HMG20B: variants seen among roughly 807,000 people sequenced by gnomAD.
HMG20B encodes the protein high mobility group 20B.
Under a neutral mutation model 41.6 loss-of-function variants are expected in HMG20B, and 24 were observed. The ratio of observed to expected loss-of-function variants is 0.58; its 90% CI spans 0.42 to 0.81. The LOEUF (loss-of-function observed/expected upper bound fraction) is 0.81, where lower values mean the gene tolerates loss of function less well. Among genes scored for constraint, HMG20B ranks in the 30% least tolerant of loss-of-function variants. The pLI is 0.00. For missense variants in HMG20B, 461 were observed against 444.0 expected (o/e 1.04, Z -0.34); for synonymous variants, 251 against 186.6 (o/e 1.34, Z -2.81).
At chr19:3,573,509 A>G in intron 2 of HMG20B, 162 bp downstream of exon 2, 1 of 903,444 alleles carries the variant, frequency 1.1e-6, no homozygotes, top group Non-Finnish European at 1.6e-6. Context: ...CTCGGCCTCC[A>G]GTCCCTCCCA....
At position 3,578,791 on chromosome 19, in the gene HMG20B, G is replaced by A. The variant is rs780888223; in HGVS notation, c.*270G>A. 15 of 728,478 alleles carry A rather than the reference G, an allele frequency of 2.1e-5. No individual in the cohort carries two copies. Among genetic ancestry groups the A allele is most frequent in the Non-Finnish European group, 2.8e-5 (11 of 398,956 alleles). 45.1% of individuals were successfully genotyped at this position (728,478 alleles called of 1,614,324 possible). On this transcript the variant is annotated 3_prime_UTR_variant, in exon 10 of 10. Coordinates refer to ENST00000333651, the MANE Select transcript of HMG20B (RefSeq NM_006339.3). ...GCCCCTCCTCGGAGGACAGCCACGC[G>A]CTACACTGGCTCTCCGGGCCACCCC...
chr19:3,577,223 C>G, intron 8 of HMG20B, 116 bp downstream of exon 8: 1 of 753,248 alleles, frequency 1.3e-6, no homozygotes, highest in South Asian at 1.9e-5. Context: ...CGCCCCGTCC[C>G]CTCTTCCCCA....
Position 3,578,956 on chromosome 19 carries a change from C to T in HMG20B, c.*435C>T. The T allele has an allele frequency of 2.6e-6, 1 of 381,866 alleles. No homozygotes were observed. The highest frequency in any genetic ancestry group is 5.2e-6 in the Non-Finnish European group (1 of 193,338). The allele number at this position is 381,866 out of a possible 1,614,324, so 23.7% of individuals were successfully genotyped here. On this transcript the variant is annotated 3_prime_UTR_variant, in exon 10 of 10. Coordinates refer to ENST00000333651, the MANE Select transcript of HMG20B (RefSeq NM_006339.3). ...TGGGGTGTCCCCCGCATGCCTGTAC[C>T]CCAGATGGGTGGGGGCCGGCTTTGC... is the stretch of plus-strand genomic sequence containing the variant.
chr19:3,578,806 C>G lies in HMG20B; in HGVS notation c.*285C>G. 1.4e-6 allele frequency: 1 copy of G among 707,934 alleles called. No individual in the cohort carries two copies. Among genetic ancestry groups the G allele is most frequent in the Non-Finnish European group, 2.6e-6 (1 of 386,070 alleles). The allele number at this position is 707,934 out of a possible 1,614,324, so 43.9% of individuals were successfully genotyped here. A position where few individuals can be genotyped will look rare whatever the true frequency, so the allele number is the denominator to read the frequency against. ...ACAGCCACGCGCTACACTGGCTCTC[C>G]GGGCCACCCCCAGGACACAGGGCAG... is the stretch of plus-strand genomic sequence containing the variant. On this transcript the variant is annotated 3_prime_UTR_variant, in exon 10 of 10. Transcript: ENST00000333651.
chr19:3,577,868 G>C, intron 8 of HMG20B, 113 bp from the exon 9 acceptor site: 2 of 966,170 alleles, frequency 2.1e-6, no homozygotes, highest in Non-Finnish European at 3.0e-6. Flanking sequence ...GGCGGTGTCC[G>C]GACCTCTGAG....
At position 3,578,123 on chromosome 19, in the gene HMG20B, G is replaced by C. The variant is rs1424486291; in HGVS notation, c.941+10G>C. 6.2e-7 allele frequency: 1 copy of C among 1,607,834 alleles called. No homozygotes were observed. The highest frequency in any genetic ancestry group is 1.3e-5 in the African/African-American group (1 of 74,850). On this transcript the variant is annotated intron_variant, in intron 9 of 9. Coordinates refer to ENST00000333651, the MANE Select transcript of HMG20B (RefSeq NM_006339.3). ...TGGCCCAGGTCGCCAGGTGTGTGCC[G>C]GGCGAGGCGGGGCGGGGCCGGGGTT...
chr19:3,573,622 G>C (rs907755350), intron 2 of HMG20B, 70 bp from the exon 3 acceptor site: 1 of 1,360,420 alleles, frequency 7.4e-7, no homozygotes, highest in Admixed American at 3.1e-5. Context: ...GGGTCAAAAC[G>C]CCCTGGGGTG....
intron 7 of HMG20B, 122 bp downstream of exon 7, chr19:3,576,747 C>A: frequency 1.6e-6 from 2 of 1,234,090 alleles, no homozygotes; most frequent in Non-Finnish European, 1.1e-6. Flanking sequence ...AGCGTCCAGG[C>A]GCACGCTGTC....
At chr19:3,577,231 C>T in intron 8 of HMG20B, 124 bp downstream of exon 8, 1 of 709,328 alleles carries the variant, frequency 1.4e-6, no homozygotes, top group Non-Finnish European at 2.2e-6. Context: ...CCCCTCTTCC[C>T]CAGTCACCCG....
chr19:3,577,362 C>G (rs966517267), intron 8 of HMG20B, among the ~76,000 whole-genome samples: 7 of 149,716 alleles, frequency 4.7e-5, no homozygotes, highest in Non-Finnish European at 1.0e-4. Flanking sequence ...CTCCGCGCCC[C>G]GTTACTCGGC....
intron 4 of HMG20B, among the ~76,000 whole-genome samples, chr19:3,574,938 C>T (rs1162147409): frequency 1.3e-5 from 2 of 152,026 alleles, no homozygotes; most frequent in African/African-American, 2.4e-5. Context: ...AGGCTGGTCT[C>T]GAACTCTTGA....
At chr19:3,575,464 G>A in intron 4 of HMG20B, 76 bp from the exon 5 acceptor site, 2 of 1,542,930 alleles carry the variant, frequency 1.3e-6, no homozygotes, top group African/African-American at 2.7e-5. Flanking sequence ...AGGGTGCTGT[G>A]AAAGCAGAGT....
chr19:3,577,885 C>A, intron 8 of HMG20B, 96 bp from the exon 9 acceptor site: 1 of 1,178,750 alleles, frequency 8.5e-7, no homozygotes, highest in Non-Finnish European at 1.2e-6. Context: ...TGAGCGCCCG[C>A]GCGACCCGCC....
chr19:3,574,175 C>G (rs1195617271), intron 3 of HMG20B: 1 of 612,026 alleles, frequency 1.6e-6, no homozygotes, highest in Non-Finnish European at 2.9e-6. Flanking sequence ...CATAGTTCCT[C>G]AGATCCCCTC....
rs904613778 is a variant in HMG20B, at chr19:3,574,627, C to T, written c.351+41C>T. ...CGCCGAGCAGGGCTGGCGGGGTCCA[C>T]GGACTACCCCCCAGTAGCCCCGACC... On this transcript the variant is annotated intron_variant, in intron 4 of 9. Coordinates refer to ENST00000333651, the MANE Select transcript of HMG20B (RefSeq NM_006339.3). The T allele has an allele frequency of 3.3e-6, 5 of 1,519,252 alleles. No homozygotes were observed. The African/African-American group carries it at 5.5e-5, about 17-fold the overall frequency. The allele number at this position is 1,519,252 out of a possible 1,614,324, so 94.1% of individuals were successfully genotyped here.
At chr19:3,574,298 T>G in intron 3 of HMG20B, 85 bp from the exon 4 acceptor site, 5 of 356,458 alleles carry the variant, frequency 1.4e-5, no homozygotes, top group Admixed American at 4.2e-5. Flanking sequence ...TCCCCGCCCA[T>G]ACGCGTTAGG....
intron 8 of HMG20B, among the ~76,000 whole-genome samples, chr19:3,577,765 C>T (rs997003644): frequency 6.6e-6 from 1 of 150,806 alleles, no homozygotes; most frequent in Non-Finnish European, 1.5e-5. Context: ...CCCTGGACGC[C>T]CGCCGCTCTA....
In HMG20B at chr19:3,578,880, C is replaced by CG; in HGVS notation, c.*365dup. ...GCAGGACCCCCCAAATTACTCACTACGGGGGGCTGTGCCATAGGCCACACA... is the reference window on the plus strand; with the variant it reads ...GCAGGACCCCCCAAATTACTCACTACGGGGGGGCTGTGCCATAGGCCACACA... On this transcript the variant is annotated 3_prime_UTR_variant, in exon 10 of 10. Transcript: ENST00000333651. 1.9e-6 allele frequency: 1 copy of CG among 537,784 alleles called. No individual in the cohort carries two copies. The highest frequency in any genetic ancestry group is 3.6e-6 in the Non-Finnish European group (1 of 279,854). The allele number at this position is 537,784 out of a possible 1,614,324, so 33.3% of individuals were successfully genotyped here. A position where few individuals can be genotyped will look rare whatever the true frequency, so the allele number is the denominator to read the frequency against.
At chr19:3,573,075 G>GCCCGGGGGAAACCGGCCCAGGCCT (rs2032075069) in intron 1 of HMG20B, 81 bp downstream of exon 1, 7 of 489,724 alleles carry the variant, frequency 1.4e-5, no homozygotes, top group Non-Finnish European at 2.5e-5. Context: ...GTCTTTCCTG[G>GCCCGGGGGAAACCGGCCCAGGCCT]CCCGGGGGAA....
Sources: gnomAD v4.1 joint callset for allele counts (sites outside exome capture counted in the v4.1 genomes callset) on GRCh38, gnomAD v4.1.1 for gene constraint, MANE v1.5 for transcripts, NCBI Gene and HGNC (gene_info 2026-07-23, HGNC 2026-07-21) for gene names.